The following SLC13A4 variants were observed in gnomAD, a reference collection of about 807,000 sequenced individuals.
SLC13A4 encodes solute carrier family 13 member 4.
In SLC13A4, 28 loss-of-function variants were observed where a neutral mutation model predicts 72.7. That is an observed-to-expected ratio of 0.39 (90% confidence interval 0.29 to 0.53). SLC13A4 has a LOEUF of 0.53. SLC13A4 is among the 20% of genes least tolerant of loss of function. The pLI is 0.78. For synonymous variants in SLC13A4, 312 were observed against 325.5 expected (o/e 0.96, Z 0.45); for missense variants, 653 against 788.0 (o/e 0.83, Z 2.05).
intron 2 of SLC13A4, among the ~76,000 whole-genome samples, chr7:135,719,794 T>C: frequency 7.2e-6 from 1 of 138,310 alleles, no homozygotes; most frequent in Non-Finnish European, 1.5e-5. Context: ...TGTGTGTGTG[T>C]GTGTGTGTAT....
chr7:135,707,623 C>A (rs1287462494), intron 3 of SLC13A4: 1 of 152,560 alleles, frequency 6.6e-6, no homozygotes, highest in Non-Finnish European at 1.5e-5. Flanking sequence ...TAACACATTC[C>A]CCGAGGGTGG....
chr7:135,692,183 C>T (rs905812368), intron 11 of SLC13A4, 140 bp downstream of exon 11: 24 of 709,420 alleles, frequency 3.4e-5, no homozygotes, highest in African/African-American at 2.3e-4. Context: ...TGATTTCACA[C>T]TGCAGCCTCC....
At chr7:135,719,445 T>C (rs1290889152) in intron 2 of SLC13A4, among the ~76,000 whole-genome samples, 3 of 152,182 alleles carry the variant, frequency 2.0e-5, no homozygotes, top group African/African-American at 7.2e-5. Context: ...TTTTTTCCTC[T>C]ACCCTCCACT....
At chr7:135,725,999 G>A (rs1032019930) in intron 1 of SLC13A4, among the ~76,000 whole-genome samples, 2 of 152,038 alleles carry the variant, frequency 1.3e-5, no homozygotes, top group South Asian at 2.1e-4. Context: ...AAGGGGTGAC[G>A]GATGGATGAA....
intron 1 of SLC13A4, among the ~76,000 whole-genome samples, chr7:135,722,169 A>G (rs1796562568): frequency 6.6e-6 from 1 of 152,212 alleles, no homozygotes; most frequent in African/African-American, 2.4e-5. Flanking sequence ...ACTTGAGCCC[A>G]GGGGCTTCAG....
At chr7:135,725,768 G>A (rs115606220) in intron 1 of SLC13A4, among the ~76,000 whole-genome samples, 191 of 152,174 alleles carry the variant, frequency 1.3e-3, no homozygotes, top group Middle Eastern at 3.4e-3. Flanking sequence ...GACCAGCCTG[G>A]GCAACATAGT....
intron 8 of SLC13A4, among the ~76,000 whole-genome samples, 181 bp downstream of exon 8, chr7:135,699,183 C>T (rs1346568398): frequency 6.6e-6 from 1 of 152,140 alleles, no homozygotes; most frequent in Non-Finnish European, 1.5e-5. Flanking sequence ...TCAAGCAATC[C>T]CCCCGCTTTG....
intron 8 of SLC13A4, among the ~76,000 whole-genome samples, chr7:135,698,974 T>C (rs1384952663): frequency 6.6e-6 from 1 of 152,090 alleles, no homozygotes; most frequent in Non-Finnish European, 1.5e-5. Flanking sequence ...ACTGTCTTGC[T>C]CTATCGCTCA....
At chr7:135,705,435 A>C in intron 5 of SLC13A4, 161 bp downstream of exon 5, 1 of 537,822 alleles carries the variant, frequency 1.9e-6, no homozygotes, top group Non-Finnish European at 3.2e-6. Context: ...AGGTATGGAG[A>C]GGAAATGGGG....
At chr7:135,725,503 A>G (rs890449608) in intron 1 of SLC13A4, among the ~76,000 whole-genome samples, 2 of 152,148 alleles carry the variant, frequency 1.3e-5, no homozygotes, top group Admixed American at 1.3e-4. Context: ...GTTGGGCAAG[A>G]AAAAGGGGGA....
chr7:135,727,610 A>G lies in SLC13A4; in HGVS notation c.-114T>C, dbSNP rs1163200802. On this transcript the variant is annotated 5_prime_UTR_variant, in exon 1 of 16. Coordinates refer to ENST00000682651, the MANE Select transcript of SLC13A4 (RefSeq NM_001318192.2). ...CTTCTTAAACCTTTCTTGGCTTCCGAGAGTCCTCCTTCGTCTTGGGGGCAG... is the reference window on the plus strand; with the variant it reads ...CTTCTTAAACCTTTCTTGGCTTCCGGGAGTCCTCCTTCGTCTTGGGGGCAG... The G allele has an allele frequency of 7.5e-7, 1 of 1,328,798 alleles. No homozygotes were observed. Among genetic ancestry groups the G allele is most frequent in the Non-Finnish European group, 1.0e-6 (1 of 994,102 alleles). The allele number at this position is 1,328,798 out of a possible 1,614,324, so 82.3% of individuals were successfully genotyped here.
intron 15 of SLC13A4, chr7:135,683,324 A>AAG: frequency 3.1e-6 from 2 of 650,254 alleles, no homozygotes; most frequent in Non-Finnish European, 3.8e-6. Context: ...AAAAAAAAAA[A>AAG]GGATAAAAAA....
intron 4 of SLC13A4, 32 bp downstream of exon 4, chr7:135,706,096 G>A: frequency 6.5e-7 from 1 of 1,545,918 alleles, no homozygotes. Flanking sequence ...GGTTGGAGGA[G>A]CAAAGGAGAG....
chr7:135,705,420 C>A, intron 5 of SLC13A4, 176 bp downstream of exon 5: 1 of 572,144 alleles, frequency 1.7e-6, no homozygotes, highest in Admixed American at 3.0e-5. Flanking sequence ...TGACAGGTCA[C>A]TCCTAGGTAT....
At chr7:135,709,859 A>G (rs2129494938) in intron 2 of SLC13A4, among the ~76,000 whole-genome samples, 1 of 152,312 alleles carries the variant, frequency 6.6e-6, no homozygotes, top group Non-Finnish European at 1.5e-5. Context: ...ACTTGGAGCA[A>G]TGCTTGAATG....
intron 2 of SLC13A4, among the ~76,000 whole-genome samples, chr7:135,720,554 TAA>T (rs33993859): frequency 0.081 from 10,039 of 124,126 alleles, 562 homozygotes; most frequent in African/African-American, 0.18. Flanking sequence ...GCTTTTTCAT[TAA>T]AAAAAAAAAA....
chr7:135,699,337 T>C, intron 8 of SLC13A4, 27 bp downstream of exon 8: 10 of 1,588,360 alleles, frequency 6.3e-6, no homozygotes, highest in Non-Finnish European at 7.7e-6. Flanking sequence ...GGTTAGTAAA[T>C]ATTTGTTGAC....
chr7:135,691,383 C>A, intron 12 of SLC13A4, 58 bp from the exon 13 acceptor site: 25 of 1,588,804 alleles, frequency 1.6e-5, no homozygotes, highest in Non-Finnish European at 2.0e-5. Context: ...TTTGTGGAGA[C>A]AGGAGCCTAA....
chr7:135,717,811 T>C (rs974738256), intron 2 of SLC13A4, among the ~76,000 whole-genome samples: 1 of 152,134 alleles, frequency 6.6e-6, no homozygotes, highest in Non-Finnish European at 1.5e-5. Context: ...TGGACAGACA[T>C]CATCCAATCT....
Sources: allele counts gnomAD v4.1 joint callset (sites outside exome capture counted in the v4.1 genomes callset), GRCh38; gene constraint gnomAD v4.1.1; transcripts MANE v1.5; gene names NCBI Gene and HGNC (gene_info 2026-07-23, HGNC 2026-07-21).